TSC22D3: variants seen among roughly 807,000 people sequenced by gnomAD.
TSC22D3 encodes TSC22 domain family member 3, also known as TSC22 domain family protein 3.
TSC22D3 carries 4 observed loss-of-function variants against 11.1 expected under a neutral mutation model. The ratio of observed to expected loss-of-function variants is 0.36; its 90% CI spans 0.18 to 0.83. TSC22D3 has a LOEUF of 0.83. TSC22D3 is among the 40% of genes least tolerant of loss of function. TSC22D3 has a pLI of 0.48. For missense variants in TSC22D3, 118 were observed against 159.4 expected (o/e 0.74, Z 1.40); for synonymous variants, 77 against 70.3 (o/e 1.10, Z -0.48).
At chrX:107,744,280 T>C (rs1462633736) in intron 1 of TSC22D3, among the ~76,000 whole-genome samples, 1 of 111,058 alleles carries the variant, frequency 9.0e-6, no homozygotes, top group African/African-American at 3.3e-5. Context: ...CACTATGTTC[T>C]GAGATAGGGT....
intron 1 of TSC22D3, among the ~76,000 whole-genome samples, chrX:107,757,649 C>T (rs757192365): frequency 9.1e-6 from 1 of 110,391 alleles, no homozygotes; most frequent in African/African-American, 3.3e-5. Flanking sequence ...TCTCCCCCTC[C>T]CCTTCCCTCC....
In TSC22D3 at chrX:107,716,396, G is replaced by A. The variant is rs1202552181; in HGVS notation, c.321-446C>T. 4 of 928,922 alleles carry A rather than the reference G, an allele frequency of 4.3e-6. No individual in the cohort carries two copies. The African/African-American group carries it at 6.3e-5, about 15-fold the overall frequency. 76.6% of individuals were successfully genotyped at this position (928,922 alleles called of 1,213,427 possible). Reference sequence around the variant, plus strand: ...CCAAGCGGCGCACGGCGCTCGGCCAGCCCCCTGCCCAGCCCTGTCTGGTCC... The same window carrying A: ...CCAAGCGGCGCACGGCGCTCGGCCAACCCCCTGCCCAGCCCTGTCTGGTCC... On this transcript the variant is annotated intron_variant, in intron 1 of 2. Transcript: ENST00000372383.
chrX:107,742,630 C>G (rs936974427), intron 1 of TSC22D3, among the ~76,000 whole-genome samples: 2 of 111,204 alleles, frequency 1.8e-5, no homozygotes, highest in Non-Finnish European at 3.8e-5. Context: ...CGTCTCTCCC[C>G]CTTCACCCTC....
At chrX:107,758,367 C>T (rs1328005048) in intron 1 of TSC22D3, among the ~76,000 whole-genome samples, 5 of 111,697 alleles carry the variant, frequency 4.5e-5, no homozygotes, top group African/African-American at 1.6e-4. Context: ...CCTGTTATGG[C>T]TTAAGAGACT....
At chrX:107,768,170 C>T (rs1000987794) in intron 1 of TSC22D3, among the ~76,000 whole-genome samples, 4 of 112,150 alleles carry the variant, frequency 3.6e-5, no homozygotes, top group African/African-American at 1.3e-4. Flanking sequence ...GCGCAACAGC[C>T]ACCACCAGGT....
At chrX:107,735,896 AG>A (rs1243901050) in intron 1 of TSC22D3, among the ~76,000 whole-genome samples, 1 of 111,943 alleles carries the variant, frequency 8.9e-6, no homozygotes, top group Admixed American at 9.5e-5. Context: ...ACATATTCAA[AG>A]AGATGAAAGG....
intron 1 of TSC22D3, among the ~76,000 whole-genome samples, chrX:107,718,914 A>G (rs1168296182): frequency 9.0e-6 from 1 of 111,261 alleles, no homozygotes; most frequent in East Asian, 2.8e-4. Context: ...GTCATCAAGA[A>G]CATTCACTAA....
intron 1 of TSC22D3, among the ~76,000 whole-genome samples, chrX:107,748,949 C>A (rs1051901638): frequency 3.6e-5 from 4 of 111,650 alleles, no homozygotes; most frequent in Non-Finnish European, 7.5e-5. Flanking sequence ...CAGCCTATAG[C>A]CAGCTTGTAG....
Position 107,715,660 on chromosome X carries a change from G to A in TSC22D3, c.372+239C>T. ...GCCCAGGAGAGAGTCAGAGCCTGCG[G>A]CAAAGACCTGAGATGGAGGAGGGAG... On this transcript the variant is annotated intron_variant, in intron 2 of 2. Coordinates refer to ENST00000372383, the MANE Select transcript of TSC22D3 (RefSeq NM_198057.3). 8.9e-6 allele frequency: 4 copies of A among 448,217 alleles called. No homozygotes were observed. The South Asian group carries it at 1.2e-4, about 13-fold the overall frequency. 36.9% of individuals were successfully genotyped at this position (448,217 alleles called of 1,213,427 possible).
intron 1 of TSC22D3, chrX:107,716,564 T>A: frequency 1.6e-6 from 1 of 629,640 alleles, no homozygotes; most frequent in Non-Finnish European, 1.9e-6. Context: ...CCCCGCCCCT[T>A]CCCAGGATGC....
intron 1 of TSC22D3, among the ~76,000 whole-genome samples, chrX:107,746,831 C>G (rs1471503166): frequency 8.9e-6 from 1 of 112,336 alleles, no homozygotes. Context: ...TTCTTTCTTA[C>G]TTGGTGGATT....
intron 1 of TSC22D3, among the ~76,000 whole-genome samples, chrX:107,738,103 G>T (rs1347362262): frequency 8.9e-6 from 1 of 112,228 alleles, no homozygotes; most frequent in Non-Finnish European, 1.9e-5. Context: ...TGTGTCCTCT[G>T]GTCTTGGTCC....
At chrX:107,741,106 C>A (rs987529019) in intron 1 of TSC22D3, among the ~76,000 whole-genome samples, 4 of 111,566 alleles carry the variant, frequency 3.6e-5, no homozygotes, top group African/African-American at 1.3e-4. Flanking sequence ...TAGACCTCCT[C>A]AGGGATGAGG....
intron 1 of TSC22D3, among the ~76,000 whole-genome samples, chrX:107,771,906 A>G (rs767051288): frequency 1.8e-5 from 2 of 112,593 alleles, no homozygotes; most frequent in African/African-American, 6.5e-5. Flanking sequence ...ACGGAAGGAA[A>G]ACAACTTTTA....
intron 1 of TSC22D3, among the ~76,000 whole-genome samples, chrX:107,768,011 G>C (rs1268596454): frequency 1.8e-5 from 2 of 112,329 alleles, no homozygotes; most frequent in Admixed American, 9.4e-5. Flanking sequence ...GTTTCTCCAG[G>C]GTTCAAGAGG....
intron 1 of TSC22D3, among the ~76,000 whole-genome samples, chrX:107,748,780 T>C (rs1024771045): frequency 1.8e-4 from 20 of 111,901 alleles, no homozygotes; most frequent in Non-Finnish European, 3.0e-4. Flanking sequence ...TCAAATAAGA[T>C]AGAGTCTGTG....
rs891788325 is a variant in TSC22D3 at position 107,774,924 on chromosome X, C to A, written c.320+176G>T. On this transcript the variant is annotated intron_variant, in intron 1 of 2. Transcript: ENST00000372383. ...AGAATAGGGCTTGCACCTGCCAGTC[C>A]TCCCCTCAGCTCCGCGGTACTCCAG... The A allele has an allele frequency of 1.2e-5, 6 of 506,840 alleles. No individual in the cohort carries two copies. The African/African-American group carries it at 1.4e-4, about 12-fold the overall frequency. 41.8% of individuals were successfully genotyped at this position (506,840 alleles called of 1,213,427 possible).
intron 1 of TSC22D3, among the ~76,000 whole-genome samples, chrX:107,765,162 T>G (rs1929604095): frequency 8.9e-6 from 1 of 112,229 alleles, no homozygotes; most frequent in Non-Finnish European, 1.9e-5. Flanking sequence ...AAAGCCCTGC[T>G]GCTTTCCATC....
chrX:107,748,678 G>A (rs1335001777), intron 1 of TSC22D3, among the ~76,000 whole-genome samples: 7 of 111,670 alleles, frequency 6.3e-5, no homozygotes, highest in Admixed American at 5.7e-4. Context: ...CTTCAGAAAG[G>A]CCAGCGATTA....
Sources: allele counts gnomAD v4.1 joint callset (sites outside exome capture counted in the v4.1 genomes callset), GRCh38; gene constraint gnomAD v4.1.1; transcripts MANE v1.5; gene names NCBI Gene and HGNC (gene_info 2026-07-23, HGNC 2026-07-21).